Variants in GNA14 observed in about 807,000 individuals in gnomAD.
GNA14 encodes guanine nucleotide-binding protein subunit alpha-14.
GNA14 carries 50 observed loss-of-function variants against 42.0 expected under a neutral mutation model. The ratio of observed to expected loss-of-function variants is 1.19; its 90% CI spans 0.95 to 1.51. The LOEUF (loss-of-function observed/expected upper bound fraction) is 1.51. Among genes scored for constraint, GNA14 ranks in the 40% most tolerant of loss-of-function variants. The pLI is 0.00. For missense variants in GNA14, 473 were observed against 446.2 expected (o/e 1.06, Z -0.54); for synonymous variants, 173 against 163.1 (o/e 1.06, Z -0.46).
intron 1 of GNA14, among the ~76,000 whole-genome samples, chr9:77,629,572 C>T (rs922142117): frequency 6.6e-6 from 1 of 152,184 alleles, no homozygotes; most frequent in South Asian, 2.1e-4. Flanking sequence ...AGTTTATGTC[C>T]TTTGCAGGGA....
At chr9:77,597,450 ACAAAAC>A (rs1181176306) in intron 1 of GNA14, among the ~76,000 whole-genome samples, 5 of 152,110 alleles carry the variant, frequency 3.3e-5, no homozygotes, top group Admixed American at 1.3e-4. Flanking sequence ...AGTTTTGAAA[ACAAAAC>A]CAGACACCAT....
At chr9:77,608,775 T>A (rs1171638499) in intron 1 of GNA14, among the ~76,000 whole-genome samples, 1 of 151,042 alleles carries the variant, frequency 6.6e-6, no homozygotes, top group Non-Finnish European at 1.5e-5. Context: ...TCTAATTTTG[T>A]TACTTTAATT....
intron 2 of GNA14, chr9:77,517,919 T>C (rs1236868181): frequency 6.6e-6 from 1 of 152,104 alleles, no homozygotes. Flanking sequence ...CCTCATACTT[T>C]TTTAATATGT....
Position 77,647,814 on chromosome 9 carries a change from C to G in GNA14, c.-21G>C. 1.3e-6 allele frequency: 2 copies of G among 1,599,790 alleles called. No individual in the cohort carries two copies. Among genetic ancestry groups the G allele is most frequent in the Non-Finnish European group, 1.7e-6 (2 of 1,176,028 alleles). On this transcript the variant is annotated 5_prime_UTR_variant, in exon 1 of 7. Coordinates refer to ENST00000341700, the MANE Select transcript of GNA14 (RefSeq NM_004297.4). ...GCCATGGTGCGCTCAGCTCAGTACCCGACGGGGCGACGCGGCCCCGGGCAC... is the reference window on the plus strand; with the variant it reads ...GCCATGGTGCGCTCAGCTCAGTACCGGACGGGGCGACGCGGCCCCGGGCAC...
At chr9:77,646,252 C>T (rs953447619) in intron 1 of GNA14, among the ~76,000 whole-genome samples, 1 of 152,222 alleles carries the variant, frequency 6.6e-6, no homozygotes, top group Non-Finnish European at 1.5e-5. Flanking sequence ...ACAGCTGCCC[C>T]TTTGTGAGCT....
At chr9:77,568,388 A>T (rs987402318) in intron 1 of GNA14, among the ~76,000 whole-genome samples, 1 of 151,960 alleles carries the variant, frequency 6.6e-6, no homozygotes, top group South Asian at 2.1e-4. Context: ...GCTACTCGGG[A>T]GGCTGAGGTA....
chr9:77,563,081 G>A (rs919706651), intron 1 of GNA14, among the ~76,000 whole-genome samples: 1 of 152,162 alleles, frequency 6.6e-6, no homozygotes, highest in Non-Finnish European at 1.5e-5. Flanking sequence ...TCACACAAAT[G>A]TAATTCAGTG....
chr9:77,615,702 TACACACACACAC>T (rs59087574), intron 1 of GNA14, among the ~76,000 whole-genome samples: 2,418 of 134,470 alleles, frequency 0.018, 84 homozygotes, highest in African/African-American at 0.056. Flanking sequence ...GAAAATGAAA[TACACACACACAC>T]ACACACACAC....
intron 1 of GNA14, among the ~76,000 whole-genome samples, chr9:77,566,354 C>T (rs1280770590): frequency 6.6e-6 from 1 of 151,758 alleles, no homozygotes; most frequent in Non-Finnish European, 1.5e-5. Context: ...AGGGTCTCGC[C>T]ATGTTGGTCA....
chr9:77,425,765 G>T, intron 5 of GNA14, 50 bp from the exon 6 acceptor site: 3 of 1,372,150 alleles, frequency 2.2e-6, no homozygotes, highest in Non-Finnish European at 3.0e-6. Flanking sequence ...AAATATTTTG[G>T]AAACAACATG....
At chr9:77,482,530 G>A (rs916166117) in intron 2 of GNA14, among the ~76,000 whole-genome samples, 1 of 152,026 alleles carries the variant, frequency 6.6e-6, no homozygotes, top group Non-Finnish European at 1.5e-5. Flanking sequence ...ACAATTAAGT[G>A]TCTTGGAGTT....
chr9:77,478,666 T>C (rs1230472712), intron 2 of GNA14, among the ~76,000 whole-genome samples: 2 of 152,188 alleles, frequency 1.3e-5, no homozygotes, highest in Non-Finnish European at 2.9e-5. Flanking sequence ...TGTTCCTATT[T>C]CTCCACATCC....
intron 1 of GNA14, among the ~76,000 whole-genome samples, chr9:77,599,717 G>A (rs1336815530): frequency 1.3e-5 from 2 of 152,150 alleles, no homozygotes; most frequent in Admixed American, 6.5e-5. Flanking sequence ...TGGGCAGCGC[G>A]CTGACATGCC....
At chr9:77,600,067 ATT>A (rs1184635500) in intron 1 of GNA14, among the ~76,000 whole-genome samples, 2 of 151,084 alleles carry the variant, frequency 1.3e-5, no homozygotes, top group East Asian at 1.9e-4. Flanking sequence ...CCATATATTG[ATT>A]TTTGTTTGTC....
Position 77,455,121 on chromosome 9 carries a change from T to C in GNA14, c.310-20599A>G, listed in dbSNP as rs188950310. ...AAGATGTTTGCTGGCTGTGCTCTCA[T>C]CCAAGCTCATTCAGGCTGATGGCAG... On this transcript the variant is annotated intron_variant, in intron 2 of 6. Transcript: ENST00000341700. Among the ~76,000 whole-genome samples, 218 of 152,294 alleles carry C rather than the reference T, an allele frequency of 1.4e-3. 2 individuals are homozygous for C. Among genetic ancestry groups the C allele is most frequent in the African/African-American group, 5.1e-3 (210 of 41,562 alleles).
chr9:77,431,587 C>G, intron 3 of GNA14, 138 bp from the exon 4 acceptor site: 1 of 696,950 alleles, frequency 1.4e-6, no homozygotes, highest in South Asian at 2.2e-5. Context: ...TCCTGAGAGC[C>G]AGTGCCAGGC....
chr9:77,431,406 G>A lies in GNA14; in HGVS notation c.508C>T (p.Pro170Ser). ...IDRIATPSFV[P>S]TQQDVLRVRV... ...ACGCGAAGCACATCTTGTTGGGTAG[G>A]CACGAATGATGGTGTGGCGATGCGG... The change falls in exon 4 of 7, where the codon CCT (proline) becomes TCT (serine). Residue 170 changes from proline (P) to serine (S), a missense_variant. Coordinates refer to ENST00000341700, the MANE Select transcript of GNA14 (RefSeq NM_004297.4). The A allele has an allele frequency of 6.2e-7, 1 of 1,613,494 alleles. No homozygotes were observed. Among genetic ancestry groups the A allele is most frequent in the Non-Finnish European group, 8.5e-7 (1 of 1,179,520 alleles).
intron 6 of GNA14, among the ~76,000 whole-genome samples, chr9:77,425,158 G>A (rs1196419234): frequency 6.6e-6 from 1 of 152,124 alleles, no homozygotes; most frequent in African/African-American, 2.4e-5. Context: ...AGCTGAGTGA[G>A]CAGAGGATAT....
rs551164528 is a variant in GNA14, at chr9:77,483,397, C to T, written c.309+45672G>A. Among the ~76,000 whole-genome samples, 14 of 152,230 alleles carry T rather than the reference C, an allele frequency of 9.2e-5. No individual in the cohort carries two copies. In the South Asian group the frequency reaches 2.9e-3, roughly 32 times the overall value. ...GCTGTAGAACAGCGGATATGGGTGA[C>T]CTGCAAATGCTGCTGCCTGATCGTT... On this transcript the variant is annotated intron_variant, in intron 2 of 6. Transcript: ENST00000341700.
Sources: gnomAD v4.1 joint callset for allele counts (sites outside exome capture counted in the v4.1 genomes callset) on GRCh38, gnomAD v4.1.1 for gene constraint, MANE v1.5 for transcripts, NCBI Gene and HGNC (gene_info 2026-07-23, HGNC 2026-07-21) for gene names.